The following TMEM260 variants were observed in gnomAD, a reference collection of about 807,000 sequenced individuals.
The protein encoded by TMEM260 is protein O-mannosyl-transferase TMEM260.
A neutral mutation model predicts 88.9 loss-of-function variants in TMEM260; 82 were observed. The observed-to-expected ratio is 0.92, with a 90% CI of 0.77 to 1.11. The LOEUF (loss-of-function observed/expected upper bound fraction) is 1.11, where lower values mean the gene tolerates loss of function less well. TMEM260 is among the 50% of genes least tolerant of loss of function. TMEM260 has a pLI of 0.00. For synonymous variants in TMEM260, 314 were observed against 309.3 expected (o/e 1.02, Z -0.16); for missense variants, 902 against 853.4 (o/e 1.06, Z -0.71).
chr14:56,618,499 C>T (rs769045869), intron 9 of TMEM260, 95 bp from the exon 10 acceptor site: 455 of 1,127,900 alleles, frequency 4.0e-4, no homozygotes, highest in Non-Finnish European at 5.4e-4. Context: ...GCACACACAA[C>T]TAGGTGCATG....
chr14:56,581,196 T>C (rs1391672705), intron 1 of TMEM260, among the ~76,000 whole-genome samples: 1 of 152,360 alleles, frequency 6.6e-6, no homozygotes, highest in Admixed American at 6.5e-5. Context: ...GTAAGTGATA[T>C]ACCACTTCTG....
intron 11 of TMEM260, 131 bp downstream of exon 11, chr14:56,621,833 T>A: frequency 1.5e-6 from 1 of 652,852 alleles, no homozygotes; most frequent in South Asian, 3.4e-5. Flanking sequence ...ATATATGACA[T>A]TCTACATGTT....
chr14:56,607,826 G>A (rs1267629217), intron 5 of TMEM260, among the ~76,000 whole-genome samples: 3 of 152,090 alleles, frequency 2.0e-5, no homozygotes, highest in Non-Finnish European at 2.9e-5. Flanking sequence ...CTCCCCAGGT[G>A]ATTTTAATGT....
Position 56,609,237 on chromosome 14 carries a change from A to G in TMEM260, c.768A>G (p.Gln256=), listed in dbSNP as rs548133492. The part of the protein sequence containing the change: ...RWTWGDQTTL[Q]GFLTHFLREE... ...CCTGGGGAGACCAGACAACACTGCAAGGATTTTTGACACATTTTCTCAGGG... is the reference window on the plus strand; with the variant it reads ...CCTGGGGAGACCAGACAACACTGCAGGGATTTTTGACACATTTTCTCAGGG... Residue 256 remains glutamine, a synonymous_variant, in exon 6 of 16, where the codon CAA becomes CAG. Transcript: ENST00000261556. The G allele has an allele frequency of 3.1e-6, 5 of 1,614,148 alleles. No homozygotes were observed. The African/African-American group carries it at 5.3e-5, about 17-fold the overall frequency.
intron 10 of TMEM260, 109 bp from the exon 11 acceptor site, chr14:56,621,422 T>C (rs1887908423): frequency 1.3e-6 from 1 of 756,582 alleles, no homozygotes; most frequent in Non-Finnish European, 2.0e-6. Flanking sequence ...ATTGAAACAC[T>C]AAATGTTGAT....
intron 8 of TMEM260, among the ~76,000 whole-genome samples, chr14:56,616,972 A>C (rs1285721938): frequency 1.3e-5 from 2 of 152,106 alleles, no homozygotes; most frequent in Non-Finnish European, 2.9e-5. Context: ...TTAGCTTTAT[A>C]TCCTTTACTG....
At chr14:56,617,010 A>G (rs1431409555) in intron 8 of TMEM260, among the ~76,000 whole-genome samples, 173 bp from the exon 9 acceptor site, 1 of 152,124 alleles carries the variant, frequency 6.6e-6, no homozygotes, top group Admixed American at 6.5e-5. Flanking sequence ...GTTCAAATTT[A>G]TTATTATATT....
Position 56,636,906 on chromosome 14 carries a change from A to C in TMEM260, c.1869+308A>C, listed in dbSNP as rs946748712. Among the ~76,000 whole-genome samples the C allele has an allele frequency of 2.0e-5, 3 of 152,234 alleles. No individual in the cohort carries two copies. The South Asian group carries it at 6.2e-4, about 32-fold the overall frequency. On this transcript the variant is annotated intron_variant, in intron 15 of 15. Coordinates refer to ENST00000261556, the MANE Select transcript of TMEM260 (RefSeq NM_017799.4). ...TGGGGATTAAGTTAGGTGTCTTGAG[A>C]CAGGGGGTTACCCCAGATTATCCAG...
intron 15 of TMEM260, among the ~76,000 whole-genome samples, chr14:56,637,565 T>C (rs184913267): frequency 6.6e-6 from 1 of 152,174 alleles, no homozygotes; most frequent in Non-Finnish European, 1.5e-5. Flanking sequence ...CAGAGTCTGC[T>C]CTATAGGAAA....
At chr14:56,659,891 G>A in the TMEM260 span, among the ~76,000 whole-genome samples, 11 of 152,084 alleles carry the variant, frequency 7.2e-5, no homozygotes, top group African/African-American at 1.9e-4. Flanking sequence ...TTCCTGCCAC[G>A]TACTGAGTTT....
At position 56,585,046 on chromosome 14, in the gene TMEM260, T is replaced by G. The variant is rs1266255377; in HGVS notation, c.192+14T>G. ...CATGAGCTTGGAGTAAGTATTAGTT[T>G]TATTGTTTAATCAATGCTCTCATTA... is the stretch of plus-strand genomic sequence containing the variant. On this transcript the variant is annotated intron_variant, in intron 2 of 15. Coordinates refer to ENST00000261556, the MANE Select transcript of TMEM260 (RefSeq NM_017799.4). 6.2e-7 allele frequency: 1 copy of G among 1,609,802 alleles called. No homozygotes were observed. The highest frequency in any genetic ancestry group is 8.5e-7 in the Non-Finnish European group (1 of 1,177,706).
chr14:56,621,540 C>CTTTG lies in TMEM260; in HGVS notation c.1236_1237insTTTG (p.Gln413PhefsTer9), dbSNP rs1887918366. The CTTTG allele has an allele frequency of 6.2e-7, 1 of 1,601,988 alleles. No individual in the cohort carries two copies. The highest frequency in any genetic ancestry group is 8.5e-7 in the Non-Finnish European group (1 of 1,175,250). On this transcript the variant is annotated frameshift_variant, in exon 11 of 16. Coordinates refer to ENST00000261556, the MANE Select transcript of TMEM260 (RefSeq NM_017799.4). LOFTEE classifies it high-confidence loss of function. ...GGATCCTTTTATTTAGTGTTTGTGACCAAAGGACCAACTATGTGATTGATA... is the reference window on the plus strand; with the variant it reads ...GGATCCTTTTATTTAGTGTTTGTGACTTTGCAAAGGACCAACTATGTGATTGATA...
chr14:56,608,030 A>G (rs1887021661), intron 5 of TMEM260, among the ~76,000 whole-genome samples: 1 of 152,354 alleles, frequency 6.6e-6, no homozygotes, highest in Middle Eastern at 3.4e-3. Context: ...AAGAATAGCA[A>G]AGGCATGTTG....
At chr14:56,638,766 G>C (rs566977705) in intron 15 of TMEM260, among the ~76,000 whole-genome samples, 73 of 152,168 alleles carry the variant, frequency 4.8e-4, no homozygotes, top group African/African-American at 1.7e-3. Flanking sequence ...AGCTCATACA[G>C]AATATTAAGT....
intron 12 of TMEM260, among the ~76,000 whole-genome samples, chr14:56,626,897 C>T (rs1226801692): frequency 6.6e-6 from 1 of 152,124 alleles, no homozygotes; most frequent in African/African-American, 2.4e-5. Flanking sequence ...ATTCCACTCA[C>T]CTTTAACATA....
chr14:56,633,405 A>G (rs1888777664), intron 13 of TMEM260: 1 of 362,332 alleles, frequency 2.8e-6, no homozygotes, highest in Non-Finnish European at 5.0e-6. Context: ...TGTGGATACC[A>G]TGATGGTTAG....
chr14:56,635,605 G>T (rs1001380941), intron 14 of TMEM260, among the ~76,000 whole-genome samples: 2 of 152,078 alleles, frequency 1.3e-5, no homozygotes, highest in Non-Finnish European at 2.9e-5. Context: ...TCATTGTTTT[G>T]TTTTTTAATC....
At position 56,633,178 on chromosome 14, in the gene TMEM260, A is replaced by G. The variant is rs1566568562; in HGVS notation, c.1724+7A>G. ...GGACCGAAGAATATGGAAGGTATGA[A>G]CAGCAGTTGTATTTTGATGCATATA... On this transcript the variant is annotated splice_region_variant and intron_variant, in intron 13 of 15. Transcript: ENST00000261556. The G allele has an allele frequency of 1.9e-6, 3 of 1,604,598 alleles. No individual in the cohort carries two copies. The highest frequency in any genetic ancestry group is 2.6e-6 in the Non-Finnish European group (3 of 1,175,524).
intron 13 of TMEM260, chr14:56,633,453 G>A (rs921899510): frequency 1.6e-5 from 4 of 255,024 alleles, no homozygotes; most frequent in African/African-American, 6.7e-5. Context: ...TTTGAATGCT[G>A]CATCATCTAC....
Sources: gnomAD v4.1 joint callset for allele counts (sites outside exome capture counted in the v4.1 genomes callset) on GRCh38, gnomAD v4.1.1 for gene constraint, MANE v1.5 for transcripts, NCBI Gene and HGNC (gene_info 2026-07-23, HGNC 2026-07-21) for gene names.